The following ALMS1 variants were observed in gnomAD, a reference collection of about 807,000 sequenced individuals.
ALMS1 encodes the protein ALMS1 centrosome and basal body associated protein, also known as centrosome-associated protein ALMS1.
Under a neutral mutation model 352.2 loss-of-function variants are expected in ALMS1, and 271 were observed. The observed-to-expected ratio is 0.77, with a 90% CI of 0.70 to 0.85. The LOEUF (loss-of-function observed/expected upper bound fraction) is 0.85, where lower values mean the gene tolerates loss of function less well. ALMS1 is among the 40% of genes least tolerant of loss of function. The probability of loss-of-function intolerance (pLI) is 0.00; values close to 1 mark genes in which losing one functional copy is unlikely to be tolerated. For missense variants in ALMS1, 5,445 were observed against 4,870.7 expected (o/e 1.12, Z -3.51); for synonymous variants, 1,865 against 1,761.2 (o/e 1.06, Z -1.48).
chr2:73,463,364 C>T (rs141764984), intron 9 of ALMS1, among the ~76,000 whole-genome samples: 5 of 151,678 alleles, frequency 3.3e-5, no homozygotes, highest in Middle Eastern at 3.4e-3. Flanking sequence ...GGGTACATAA[C>T]GAAATGAAGG....
At chr2:73,571,349 T>C (rs7586463) in intron 15 of ALMS1, among the ~76,000 whole-genome samples, 46,127 of 152,036 alleles carry the variant, frequency 0.3, 8,554 homozygotes, top group African/African-American at 0.53. Context: ...TATGATTGTG[T>C]CTTAGCTCAT....
At chr2:73,494,795 G>C (rs1673069299) in intron 10 of ALMS1, among the ~76,000 whole-genome samples, 1 of 152,204 alleles carries the variant, frequency 6.6e-6, no homozygotes, top group Admixed American at 6.5e-5. Context: ...ATTCTCCACT[G>C]TAAGGTTATT....
At chr2:73,602,894 C>T (rs1221198149) in intron 20 of ALMS1, among the ~76,000 whole-genome samples, 1 of 152,190 alleles carries the variant, frequency 6.6e-6, no homozygotes, top group Non-Finnish European at 1.5e-5. Context: ...AGGTGTGCTC[C>T]TCTGGAGTCT....
intron 10 of ALMS1, among the ~76,000 whole-genome samples, chr2:73,493,011 T>G (rs918415789): frequency 1.3e-5 from 2 of 152,044 alleles, no homozygotes; most frequent in Non-Finnish European, 2.9e-5. Flanking sequence ...ATTGACAATT[T>G]CATATACAAT....
At chr2:73,395,656 G>T (rs1670745677) in intron 1 of ALMS1, among the ~76,000 whole-genome samples, 1 of 151,984 alleles carries the variant, frequency 6.6e-6, no homozygotes, top group African/African-American at 2.4e-5. Context: ...AATCTCTTCT[G>T]AACTTGTTTA....
At chr2:73,515,455 A>C (rs572123283) in intron 10 of ALMS1, among the ~76,000 whole-genome samples, 1 of 152,150 alleles carries the variant, frequency 6.6e-6, no homozygotes, top group South Asian at 2.1e-4. Flanking sequence ...TATGTTACAT[A>C]ATGTTTTGTG....
rs71426620 is a variant in ALMS1, at chr2:73,506,400, T to A, written c.9540-13375T>A. Among the ~76,000 whole-genome samples the A allele has an allele frequency of 5.9e-4, 90 of 152,372 alleles. 1 individual carries two copies. Among genetic ancestry groups the A allele is most frequent in the Non-Finnish European group, 1.1e-3 (78 of 68,036 alleles). On this transcript the variant is annotated intron_variant, in intron 10 of 22. Coordinates refer to ENST00000613296, the MANE Select transcript of ALMS1 (RefSeq NM_001378454.1). Reference sequence around the variant, plus strand: ...GGACAGTATGGCCATTTCACAATATTGATTCTTCCTATCCATGAGCATGGA... The same window carrying A: ...GGACAGTATGGCCATTTCACAATATAGATTCTTCCTATCCATGAGCATGGA...
At chr2:73,582,012 G>T (rs1449703728) in intron 16 of ALMS1, among the ~76,000 whole-genome samples, 1 of 152,014 alleles carries the variant, frequency 6.6e-6, no homozygotes, top group Non-Finnish European at 1.5e-5. Context: ...AAAATGCTGG[G>T]ATTACAGGCG....
intron 16 of ALMS1, among the ~76,000 whole-genome samples, chr2:73,581,488 A>T (rs1000648289): frequency 6.6e-6 from 1 of 152,240 alleles, no homozygotes; most frequent in Admixed American, 6.5e-5. Flanking sequence ...CAGAAGGCTA[A>T]GTTAAAATGC....
intron 12 of ALMS1, among the ~76,000 whole-genome samples, chr2:73,549,428 C>T (rs534818007): frequency 2.0e-5 from 3 of 152,168 alleles, no homozygotes; most frequent in Admixed American, 2.0e-4. Context: ...AAAGTTTATA[C>T]TCTTCAGCTT....
At chr2:73,387,162 T>C (rs1413144273) in intron 1 of ALMS1, among the ~76,000 whole-genome samples, 1 of 152,160 alleles carries the variant, frequency 6.6e-6, no homozygotes, top group Non-Finnish European at 1.5e-5. Flanking sequence ...TAATGAGCAG[T>C]AGTTGTTGTT....
chr2:73,461,490 A>G (rs979772266), intron 9 of ALMS1, among the ~76,000 whole-genome samples: 2 of 152,196 alleles, frequency 1.3e-5, no homozygotes, highest in African/African-American at 4.8e-5. Context: ...GGTAGATAAA[A>G]CCACAAAGAT....
intron 16 of ALMS1, among the ~76,000 whole-genome samples, chr2:73,583,147 G>A (rs1675224791): frequency 6.6e-6 from 1 of 150,664 alleles, no homozygotes; most frequent in Non-Finnish European, 1.5e-5. Context: ...ATGCTTTTTG[G>A]CCATTTGTAT....
intron 9 of ALMS1, chr2:73,459,261 G>T (rs1672135766): frequency 6.6e-6 from 1 of 152,044 alleles, no homozygotes; most frequent in African/African-American, 2.4e-5. Flanking sequence ...CTTGTCAGGA[G>T]GCACATTATG....
intron 12 of ALMS1, among the ~76,000 whole-genome samples, chr2:73,543,676 A>G (rs1674243780): frequency 6.6e-6 from 1 of 151,946 alleles, no homozygotes; most frequent in South Asian, 2.1e-4. Flanking sequence ...ACAAGAAAGA[A>G]ACAAACAACC....
chr2:73,404,642 T>C (rs1380497150), intron 1 of ALMS1, among the ~76,000 whole-genome samples: 1 of 152,150 alleles, frequency 6.6e-6, no homozygotes, highest in Non-Finnish European at 1.5e-5. Context: ...TCATGGTGTG[T>C]AATCCTTTTA....
At position 73,448,715 on chromosome 2, in the gene ALMS1, T is replaced by A; in HGVS notation, c.2188T>A (p.Phe730Ile). The A allele has an allele frequency of 6.2e-7, 1 of 1,605,236 alleles. No individual in the cohort carries two copies. The highest frequency in any genetic ancestry group is 8.5e-7 in the Non-Finnish European group (1 of 1,174,242). ...GCCTGGTATTTTTTACCAACAAGAG[T>A]TCGCAGACAGTCATCAAACTGAAGA... ...EKPGIFYQQE[F>I]ADSHQTEETL... Residue 730 changes from phenylalanine (F) to isoleucine (I), a missense_variant, in exon 8 of 23, where the codon TTC (phenylalanine) becomes ATC (isoleucine). Phe to Ile is a conservative substitution (Grantham distance 21). Coordinates refer to ENST00000613296, the MANE Select transcript of ALMS1 (RefSeq NM_001378454.1).
intron 1 of ALMS1, among the ~76,000 whole-genome samples, chr2:73,395,074 ATATAT>A (rs1291203753): frequency 3.9e-5 from 4 of 101,268 alleles, no homozygotes; most frequent in African/African-American, 2.1e-4. Context: ...ATATATATAT[ATATAT>A]TTTTTTTTTT....
At chr2:73,412,895 A>C (rs1444347780) in intron 2 of ALMS1, among the ~76,000 whole-genome samples, 1 of 152,192 alleles carries the variant, frequency 6.6e-6, no homozygotes, top group Non-Finnish European at 1.5e-5. Flanking sequence ...CTGTTTTTCC[A>C]AAGTGGCTGT....
Sources: allele counts gnomAD v4.1 joint callset (sites outside exome capture counted in the v4.1 genomes callset), GRCh38; gene constraint gnomAD v4.1.1; transcripts MANE v1.5; gene names NCBI Gene and HGNC (gene_info 2026-07-23, HGNC 2026-07-21).